ST6GALNAC3: variants seen among roughly 807,000 people sequenced by gnomAD.
ST6GALNAC3 encodes ST6 N-acetylgalactosaminide alpha-2,6-sialyltransferase 3.
ST6GALNAC3 carries 25 observed loss-of-function variants against 32.7 expected under a neutral mutation model. The ratio of observed to expected loss-of-function variants is 0.76; its 90% CI spans 0.56 to 1.07. ST6GALNAC3 has a LOEUF of 1.07. ST6GALNAC3 is among the 50% of genes least tolerant of loss of function. ST6GALNAC3 has a pLI of 0.00. For synonymous variants in ST6GALNAC3, 129 were observed against 133.1 expected, an observed-to-expected ratio of 0.97 and a Z score of 0.21; for missense variants, 355 against 382.4, an observed-to-expected ratio of 0.93 and a Z score of 0.60.
chr1:76,199,955 G>C (rs1221244663), intron 1 of ST6GALNAC3, among the ~76,000 whole-genome samples: 1 of 152,164 alleles, frequency 6.6e-6, no homozygotes, highest in East Asian at 1.9e-4. Flanking sequence ...AAATGAGAGA[G>C]TTGAGATTCT....
chr1:76,110,404 A>G (rs993229059), intron 1 of ST6GALNAC3, among the ~76,000 whole-genome samples: 1 of 152,242 alleles, frequency 6.6e-6, no homozygotes, highest in African/African-American at 2.4e-5. Flanking sequence ...ACAAACCTGC[A>G]CAGTTTGTGC....
intron 2 of ST6GALNAC3, among the ~76,000 whole-genome samples, chr1:76,368,931 C>T (rs775430240): frequency 6.6e-6 from 1 of 152,180 alleles, no homozygotes; most frequent in Non-Finnish European, 1.5e-5. Context: ...GCTCTGCTGT[C>T]TCGAGGTGGA....
chr1:76,288,816 A>G (rs1437472210), intron 1 of ST6GALNAC3, among the ~76,000 whole-genome samples: 1 of 152,172 alleles, frequency 6.6e-6, no homozygotes, highest in Non-Finnish European at 1.5e-5. Flanking sequence ...GGAGAGCTCT[A>G]TTTTGGGAGT....
At chr1:76,176,318 A>G (rs1055533328) in intron 1 of ST6GALNAC3, among the ~76,000 whole-genome samples, 30 of 152,206 alleles carry the variant, frequency 2.0e-4, no homozygotes, top group Non-Finnish European at 7.4e-5. Context: ...ATTGCACAGA[A>G]AAGTCTTGGT....
chr1:76,079,580 C>T (rs1345989274), intron 1 of ST6GALNAC3, among the ~76,000 whole-genome samples: 1 of 152,156 alleles, frequency 6.6e-6, no homozygotes, highest in Non-Finnish European at 1.5e-5. Flanking sequence ...GAACATGAAG[C>T]AGTTAGCTGA....
chr1:76,369,348 A>C (rs1436777817), intron 2 of ST6GALNAC3, among the ~76,000 whole-genome samples: 1 of 152,088 alleles, frequency 6.6e-6, no homozygotes, highest in African/African-American at 2.4e-5. Flanking sequence ...TTCCTCTTCC[A>C]CTTGCAGGTA....
chr1:76,228,869 G>A (rs867122253), intron 1 of ST6GALNAC3, among the ~76,000 whole-genome samples: 3 of 152,166 alleles, frequency 2.0e-5, no homozygotes, highest in Non-Finnish European at 4.4e-5. Context: ...CCCGGAGAAG[G>A]TCATGCCAGT....
chr1:76,424,365 G>A (rs1655232050), intron 3 of ST6GALNAC3, among the ~76,000 whole-genome samples: 1 of 151,818 alleles, frequency 6.6e-6, no homozygotes, highest in African/African-American at 2.4e-5. Flanking sequence ...AAACAGAAAT[G>A]ACTATATAAC....
At position 76,179,410 on chromosome 1, in the gene ST6GALNAC3, A is replaced by G. The variant is rs191116698; in HGVS notation, c.18+104526A>G. On this transcript the variant is annotated intron_variant, in intron 1 of 4. Coordinates refer to ENST00000328299, the MANE Select transcript of ST6GALNAC3 (RefSeq NM_152996.4). The stretch of plus-strand genomic sequence containing the variant: ...ATCCCTTAACATATGTAAAGAAGCC[A>G]TCTCTTTCCCCCACCTCCATTGTCA... Among the ~76,000 whole-genome samples, 22 of 152,282 alleles carry G rather than the reference A, an allele frequency of 1.4e-4. No homozygotes were observed. The East Asian group carries it at 4.1e-3, about 28-fold the overall frequency.
At chr1:76,338,108 T>A (rs1647657025) in intron 2 of ST6GALNAC3, among the ~76,000 whole-genome samples, 1 of 152,152 alleles carries the variant, frequency 6.6e-6, no homozygotes, top group Non-Finnish European at 1.5e-5. Flanking sequence ...CTGAAAATGA[T>A]GTTGTGGCTA....
chr1:76,292,113 G>A (rs1660132739), intron 1 of ST6GALNAC3, among the ~76,000 whole-genome samples: 1 of 152,180 alleles, frequency 6.6e-6, no homozygotes, highest in Non-Finnish European at 1.5e-5. Context: ...TGTATTAATT[G>A]TAGCTTGTCA....
chr1:76,509,858 T>C lies in ST6GALNAC3; in HGVS notation c.623+97441T>C, dbSNP rs1476531016. Reference sequence around the variant, plus strand: ...CCCCCATGGTTACATTGGGCCAGAATAATCCTTCAAATTCAAGATCCTTAA... The same window carrying C: ...CCCCCATGGTTACATTGGGCCAGAACAATCCTTCAAATTCAAGATCCTTAA... On this transcript the variant is annotated intron_variant, in intron 3 of 4. Coordinates refer to ENST00000328299, the MANE Select transcript of ST6GALNAC3 (RefSeq NM_152996.4). The surrounding 1 kb of genome is among the most constrained non-coding windows in gnomAD (Gnocchi z 5.5). 1.3e-5 allele frequency among the ~76,000 whole-genome samples: 2 copies of C among 152,202 alleles called. No individual in the cohort carries two copies. Among genetic ancestry groups the C allele is most frequent in the African/African-American group, 4.8e-5 (2 of 41,456 alleles).
chr1:76,483,377 C>A (rs1024576049), intron 3 of ST6GALNAC3, among the ~76,000 whole-genome samples: 2 of 152,174 alleles, frequency 1.3e-5, no homozygotes, highest in African/African-American at 4.8e-5. Flanking sequence ...CACATCCTCT[C>A]CAGCACTTGT....
chr1:76,540,393 A>T (rs1467853534), intron 3 of ST6GALNAC3, among the ~76,000 whole-genome samples: 1 of 152,002 alleles, frequency 6.6e-6, no homozygotes, highest in Non-Finnish European at 1.5e-5. Context: ...TAGAGGACGG[A>T]TCAATAGGGT....
rs181990264 is a variant in ST6GALNAC3 at position 76,178,720 on chromosome 1, A to G, written c.18+103836A>G. ...AATGAGCTTTGGATTCCTTTGTTCA[A>G]ATATGATCATCTGAGAAAGAGAAAT... On this transcript the variant is annotated intron_variant, in intron 1 of 4. Transcript: ENST00000328299. Among the ~76,000 whole-genome samples, 498 of 152,294 alleles carry G rather than the reference A, an allele frequency of 3.3e-3. 2 individuals carry two copies. The highest frequency in any genetic ancestry group is 0.014 in the Middle Eastern group (4 of 294).
At chr1:76,568,933 G>A (rs984070233) in intron 3 of ST6GALNAC3, among the ~76,000 whole-genome samples, 1 of 152,078 alleles carries the variant, frequency 6.6e-6, no homozygotes, top group Non-Finnish European at 1.5e-5. Flanking sequence ...AAACCTAGGG[G>A]AAAATTGAGA....
chr1:76,236,715 T>C (rs2100653762), intron 1 of ST6GALNAC3, among the ~76,000 whole-genome samples: 1 of 152,180 alleles, frequency 6.6e-6, no homozygotes, highest in East Asian at 1.9e-4. Flanking sequence ...CTTTGAATAA[T>C]GGAAGAAGGT....
At chr1:76,451,798 C>T (rs1394904260) in intron 3 of ST6GALNAC3, among the ~76,000 whole-genome samples, 1 of 152,080 alleles carries the variant, frequency 6.6e-6, no homozygotes, top group African/African-American at 2.4e-5. Flanking sequence ...ATTCATTTAC[C>T]AGTTGCAGGA....
chr1:76,566,595 C>T (rs1270753549), intron 3 of ST6GALNAC3, among the ~76,000 whole-genome samples: 2 of 152,090 alleles, frequency 1.3e-5, no homozygotes, highest in East Asian at 3.9e-4. Context: ...CCCTGCGCTA[C>T]CCAGTGTCTC....
Sources: gnomAD v4.1 joint callset for allele counts (sites outside exome capture counted in the v4.1 genomes callset) on GRCh38, gnomAD v4.1.1 for gene constraint, Gnocchi (gnomAD v3.1) non-coding constraint, MANE v1.5 for transcripts, NCBI Gene and HGNC (gene_info 2026-07-23, HGNC 2026-07-21) for gene names.